Variants in PRRC2B observed in about 807,000 individuals in gnomAD.
PRRC2B encodes the protein protein PRRC2B.
Under a neutral mutation model 242.3 loss-of-function variants are expected in PRRC2B, and 68 were observed. That is an observed-to-expected ratio of 0.28 (90% CI 0.23 to 0.34). PRRC2B has a LOEUF of 0.34. Among genes scored for constraint, PRRC2B ranks in the 10% least tolerant of loss-of-function variants. The pLI, the probability that PRRC2B is intolerant of heterozygous loss-of-function variation, is 1.00. For missense variants in PRRC2B, 2,835 were observed against 2,954.8 expected (o/e 0.96, Z 0.94); for synonymous variants, 1,228 against 1,173.6 (o/e 1.05, Z -0.95).
At position 131,491,425 on chromosome 9, in the gene PRRC2B, C is replaced by T. The variant is rs1483102784; in HGVS notation, c.6226C>T (p.Leu2076=). 6 of 1,593,348 alleles carry T rather than the reference C, an allele frequency of 3.8e-6. No homozygotes were observed. Among genetic ancestry groups the T allele is most frequent in the Non-Finnish European group, 5.1e-6 (6 of 1,170,610 alleles). The change falls in exon 29 of 32, where the codon CTG becomes TTG. Residue 2076 remains leucine, a splice_region_variant and synonymous_variant. Transcript: ENST00000683519. The part of the protein sequence containing the change: ...SQMLDSQLPQ[L]TMPLPRYGSG... ...CCTGACTGTCATTGTCGCCCAGCAG[C>T]TGACCATGCCACTGCCTCGGTACGG...
At position 131,494,440 on chromosome 9, in the gene PRRC2B, G is replaced by A. The variant is rs1012787204; in HGVS notation, c.6509G>A (p.Gly2170Glu). 6.2e-7 allele frequency: 1 copy of A among 1,606,820 alleles called. No homozygotes were observed. The highest frequency in any genetic ancestry group is 8.5e-7 in the Non-Finnish European group (1 of 1,176,116). Residue 2170 changes from glycine to glutamate, a missense_variant, in exon 31 of 32, where the codon GGA (glycine) becomes GAA (glutamate). Gly to Glu is a moderately conservative substitution (Grantham distance 98). Around this residue, in one of 7 missense-constraint regions of PRRC2B, gnomAD observed 574 missense variants for 626.0 expected, o/e 0.92. Coordinates refer to ENST00000683519, the MANE Select transcript of PRRC2B (RefSeq NM_013318.4). The surrounding 1 kb of genome is among the most constrained non-coding windows in gnomAD (Gnocchi z 4.3). ...SSASPSGKPS[G>E]SAVNMGSVQG... is the part of the protein sequence containing the mutation. ...GCTAGCCCCAGTGGGAAGCCCTCTG[G>A]ATCAGCAGTTAACATGGGCTCTGTG...
intron 26 of PRRC2B, chr9:131,486,444 G>A (rs1944027403): frequency 1.0e-6 from 1 of 975,906 alleles, no homozygotes; most frequent in African/African-American, 1.8e-5. Flanking sequence ...GTCCTAGCCG[G>A]GGAATTAGCT....
chr9:131,474,680 A>G lies in PRRC2B; in HGVS notation c.2551A>G (p.Arg851Gly), dbSNP rs367986692. ...GAPGGHTQNL[R>G]CSPLEPDFVP... ...TCCTGGGGGTCACACCCAAAACCTCAGGTGTTCCCCATTGGAGCCTGACTT... is the reference window on the plus strand; with the variant it reads ...TCCTGGGGGTCACACCCAAAACCTCGGGTGTTCCCCATTGGAGCCTGACTT... The change falls in exon 16 of 32, where the codon AGG becomes GGG. Residue 851 changes from arginine to glycine, a missense_variant. Physicochemically the swap from Arg to Gly is moderately radical, Grantham distance 125. Around this residue, in one of 7 missense-constraint regions of PRRC2B, gnomAD observed 1,536 missense variants for 1,483.1 expected, o/e 1.04. Transcript: ENST00000683519. 2.5e-5 allele frequency: 40 copies of G among 1,613,214 alleles called. No individual in the cohort carries two copies. Among genetic ancestry groups the G allele is most frequent in the Non-Finnish European group, 3.1e-5 (37 of 1,179,576 alleles).
intron 4 of PRRC2B, among the ~76,000 whole-genome samples, chr9:131,437,804 A>G (rs1316707787): frequency 3.3e-5 from 5 of 152,196 alleles, no homozygotes; most frequent in Non-Finnish European, 2.9e-5. Flanking sequence ...GAGTATTTAG[A>G]GTTGAGTTCC....
Position 131,490,617 on chromosome 9 carries a change from T to C in PRRC2B, c.6226-808T>C, listed in dbSNP as rs1474653377. 9.6e-6 allele frequency: 5 copies of C among 518,786 alleles called. No individual in the cohort carries two copies. The Admixed American group carries it at 9.7e-5, about 10-fold the overall frequency. 32.1% of individuals were successfully genotyped at this position (518,786 alleles called of 1,614,324 possible). A position where few individuals can be genotyped will look rare whatever the true frequency, so the allele number is the denominator to read the frequency against. ...CTACCCCATCCTGTTCCCCTGTCCTTACAGTCTCTGGGCCCACATCCCCAC... is the reference window on the plus strand; with the variant it reads ...CTACCCCATCCTGTTCCCCTGTCCTCACAGTCTCTGGGCCCACATCCCCAC... On this transcript the variant is annotated intron_variant, in intron 28 of 31. Coordinates refer to ENST00000683519, the MANE Select transcript of PRRC2B (RefSeq NM_013318.4).
intron 1 of PRRC2B, among the ~76,000 whole-genome samples, chr9:131,419,889 A>G (rs1443750997): frequency 6.6e-6 from 1 of 151,406 alleles, no homozygotes; most frequent in East Asian, 1.9e-4. Context: ...GTGGGGGGTG[A>G]TGTGGAAGGT....
intron 15 of PRRC2B, 148 bp downstream of exon 15, chr9:131,473,872 G>A: frequency 1.6e-6 from 1 of 631,588 alleles, no homozygotes; most frequent in South Asian, 1.9e-5. Context: ...TCTGGGGAAG[G>A]AGAGTGTGAG....
At chr9:131,418,290 T>C (rs899028763) in intron 1 of PRRC2B, among the ~76,000 whole-genome samples, 3 of 152,224 alleles carry the variant, frequency 2.0e-5, no homozygotes, top group Non-Finnish European at 4.4e-5. Context: ...CCCTCTTCCT[T>C]CTGGAAACTT....
intron 9 of PRRC2B, among the ~76,000 whole-genome samples, chr9:131,453,708 T>C (rs894074317): frequency 6.6e-6 from 1 of 152,210 alleles, no homozygotes; most frequent in Non-Finnish European, 1.5e-5. Flanking sequence ...CTTTTCTGTA[T>C]TTTTAGTAGA....
intron 2 of PRRC2B, among the ~76,000 whole-genome samples, 167 bp downstream of exon 2, chr9:131,430,426 C>T (rs1326517954): frequency 6.6e-6 from 1 of 151,542 alleles, no homozygotes; most frequent in Non-Finnish European, 1.5e-5. Context: ...GATTTCAGAG[C>T]CTTGAGCATC....
chr9:131,481,851 T>C (rs2131461870), intron 20 of PRRC2B, 43 bp downstream of exon 20: 1 of 1,499,962 alleles, frequency 6.7e-7, no homozygotes, highest in East Asian at 2.5e-5. Flanking sequence ...GGGATGAGTG[T>C]GTGAGTGTGT....
At chr9:131,420,764 T>TGAAC (rs1475567439) in intron 1 of PRRC2B, among the ~76,000 whole-genome samples, 14 of 151,902 alleles carry the variant, frequency 9.2e-5, no homozygotes, top group Admixed American at 9.2e-4. Flanking sequence ...ATTACAGGTG[T>TGAAC]GAACCGCCAC....
At chr9:131,397,267 T>G (rs1837086632) in intron 1 of PRRC2B, among the ~76,000 whole-genome samples, 1 of 152,230 alleles carries the variant, frequency 6.6e-6, no homozygotes, top group Admixed American at 6.5e-5. Flanking sequence ...TGCCCTTGCC[T>G]TAGGCCCTAA....
Position 131,475,436 on chromosome 9 carries a change from A to C in PRRC2B, c.3307A>C (p.Ser1103Arg). The C allele has an allele frequency of 6.3e-7, 1 of 1,580,894 alleles. No homozygotes were observed. Among genetic ancestry groups the C allele is most frequent in the Non-Finnish European group, 8.6e-7 (1 of 1,163,676 alleles). Residue 1103 changes from serine (S) to arginine (R), a missense_variant, in exon 16 of 32, where the codon AGT becomes CGT. This residue lies in a region of PRRC2B where 1,536 missense variants were observed against 1,483.1 expected (regional missense o/e 1.04). Coordinates refer to ENST00000683519, the MANE Select transcript of PRRC2B (RefSeq NM_013318.4). ...GGGGGCCCGCAGCATCTACTGCAGC[A>C]GTCAGCGCAGCGGCCGTGGCCGGGG... is the stretch of plus-strand genomic sequence containing the variant. The part of the protein sequence containing the change: ...VLGARSIYCS[S>R]QRSGRGRGLR...
chr9:131,430,561 A>ATGTGTATGTG (rs1838123976), intron 2 of PRRC2B, among the ~76,000 whole-genome samples: 1 of 118,718 alleles, frequency 8.4e-6, no homozygotes, highest in Non-Finnish European at 1.7e-5. Flanking sequence ...GTGTGTGTGT[A>ATGTGTATGTG]TGTGTGTGTG....
intron 1 of PRRC2B, among the ~76,000 whole-genome samples, chr9:131,419,417 T>G (rs1001854357): frequency 1.3e-5 from 2 of 152,098 alleles, no homozygotes; most frequent in African/African-American, 4.8e-5. Flanking sequence ...GGGTCCCCAG[T>G]GCACAGGAGG....
At position 131,496,172 on chromosome 9, in the gene PRRC2B, C is replaced by A; in HGVS notation, c.*298C>A. On this transcript the variant is annotated 3_prime_UTR_variant, in exon 32 of 32. Transcript: ENST00000683519. ...CCTGTGCAGTGCAGATTTGCCCTCC[C>A]TGCCTCCTCCCTGTCCTGCCGCGCA... 1 of 297,482 alleles carries A rather than the reference C, an allele frequency of 3.4e-6. No homozygotes were observed. Among genetic ancestry groups the A allele is most frequent in the South Asian group, 9.1e-5 (1 of 11,036 alleles). 18.4% of individuals were successfully genotyped at this position (297,482 alleles called of 1,614,324 possible).
At chr9:131,477,972 G>C in intron 17 of PRRC2B, 23 bp downstream of exon 17, 1 of 1,607,040 alleles carries the variant, frequency 6.2e-7, no homozygotes, top group Non-Finnish European at 8.5e-7. Flanking sequence ...CATATCTTCA[G>C]GGGAAAGAAC....
intron 16 of PRRC2B, 131 bp downstream of exon 16, chr9:131,476,666 C>T: frequency 1.3e-6 from 1 of 747,062 alleles, no homozygotes; most frequent in South Asian, 2.0e-5. Context: ...CTGTGCGCGT[C>T]TCCATTGCCT....
Sources: gnomAD v4.1 joint callset for allele counts (sites outside exome capture counted in the v4.1 genomes callset) on GRCh38, gnomAD v4.1.1 for gene constraint, gnomAD v4.1.1 regional missense constraint, Gnocchi (gnomAD v3.1) non-coding constraint, MANE v1.5 for transcripts, NCBI Gene and HGNC (gene_info 2026-07-23, HGNC 2026-07-21) for gene names.